Variants in WDR20 observed in about 807,000 individuals in gnomAD.
WDR20 encodes the protein WD repeat domain 20, also known as WD repeat-containing protein 20.
WDR20 carries 3 observed loss-of-function variants against 38.7 expected under a neutral mutation model. The ratio of observed to expected loss-of-function variants is 0.08; its 90% confidence interval spans 0.04 to 0.20. The LOEUF is 0.20. Ranked by LOEUF, WDR20 falls within the 10% of genes least tolerant of loss-of-function variation. WDR20 has a pLI of 1.00. For missense variants in WDR20, 559 were observed against 727.7 expected (o/e 0.77, Z 2.67); for synonymous variants, 298 against 285.6 (o/e 1.04, Z -0.44).
At position 102,209,679 on chromosome 14, in the gene WDR20, G is replaced by A. The variant is rs148159105; in HGVS notation, c.1509G>A (p.Thr503=). 5.6e-5 allele frequency: 91 copies of A among 1,614,106 alleles called. No individual in the cohort carries two copies. In the African/African-American group the frequency reaches 9.1e-4, roughly 16 times the overall value. ...TGAATCTAGTTACCAAAACCAAAAC[G>A]GACCCTGCTAAAACTCTGGGAACGC... The part of the protein sequence containing the change: ...DKLNLVTKTK[T]DPAKTLGTPL... The change falls in exon 3 of 3, where the codon ACG becomes ACA. Residue 503 remains threonine, a synonymous_variant. Transcript: ENST00000342702. The surrounding 1 kb of genome is among the most constrained non-coding windows in gnomAD (Gnocchi z 6.0).
At chr14:102,202,504 T>G (rs1166315519) in intron 2 of WDR20, among the ~76,000 whole-genome samples, 3 of 148,958 alleles carry the variant, frequency 2.0e-5, no homozygotes, top group Non-Finnish European at 4.4e-5. Flanking sequence ...CCTCACCACC[T>G]GAGTAGCTGG....
chr14:102,209,999 A>G lies in WDR20; in HGVS notation c.*119A>G. The G allele has an allele frequency of 3.4e-6, 5 of 1,463,852 alleles. No homozygotes were observed. The highest frequency in any genetic ancestry group is 4.5e-6 in the Non-Finnish European group (5 of 1,115,130). The allele number at this position is 1,463,852 out of a possible 1,614,324, so 90.7% of individuals were successfully genotyped here. On this transcript the variant is annotated 3_prime_UTR_variant, in exon 3 of 3. Coordinates refer to ENST00000342702, the MANE Select transcript of WDR20 (RefSeq NM_144574.4). This position sits in a 1 kb window ranked among gnomAD's most constrained non-coding sequence, Gnocchi z 6.0. ...TTCTTAATGTAAATCTCAATGCATC[A>G]GAGCCATAATTTTGGATACTGCATG...
chr14:102,147,255 T>C (rs2152697402), intron 1 of WDR20, among the ~76,000 whole-genome samples: 1 of 152,162 alleles, frequency 6.6e-6, no homozygotes, highest in South Asian at 2.1e-4. Flanking sequence ...ATTAGCCAAG[T>C]ATGGTGGCGC....
intron 1 of WDR20, among the ~76,000 whole-genome samples, chr14:102,165,636 CT>C (rs398026421): frequency 0.075 from 9,746 of 129,200 alleles, 235 homozygotes; most frequent in African/African-American, 0.11. Flanking sequence ...CTTTTCTTTT[CT>C]TTTTTTTTTT....
chr14:102,166,952 C>CT, intron 1 of WDR20, among the ~76,000 whole-genome samples: 1 of 152,318 alleles, frequency 6.6e-6, no homozygotes. Flanking sequence ...GTTGCTCCCT[C>CT]TAATCTATTC....
rs534503694 is a variant in WDR20 at position 102,151,173 on chromosome 14, A to ATTTTTTTTTT, written c.249+11017_249+11026dup. ...TCTCTTCAAAACCATCCATTGGGGA[A>ATTTTTTTTTT]TTTTTTTTTTTTTTTTTTTTTTTTT... On this transcript the variant is annotated intron_variant, in intron 1 of 2. Transcript: ENST00000342702. 2.2e-3 allele frequency among the ~76,000 whole-genome samples: 248 copies of ATTTTTTTTTT among 111,538 alleles called. 1 individual carries two copies. The highest frequency in any genetic ancestry group is 7.0e-3 in the African/African-American group (177 of 25,466). 73.2% of individuals were successfully genotyped at this position (111,538 alleles called of 152,430 possible). A position where few individuals can be genotyped will look rare whatever the true frequency, so the allele number is the denominator to read the frequency against.
downstream of WDR20, among the ~76,000 whole-genome samples, chr14:102,211,996 CCTT>C (rs1049600139): frequency 6.6e-6 from 1 of 152,128 alleles, no homozygotes. This position sits in a 1 kb window ranked among gnomAD's most constrained non-coding sequence, Gnocchi z 4.2. Context: ...GATTTCTCCC[CCTT>C]CTTTAAAATT....
chr14:102,218,702 C>T (rs2063520330), downstream of WDR20, among the ~76,000 whole-genome samples: 2 of 151,832 alleles, frequency 1.3e-5, no homozygotes, highest in South Asian at 4.1e-4. Context: ...AGTGACTCTG[C>T]GGGGAGCCAA....
downstream of WDR20, among the ~76,000 whole-genome samples, chr14:102,219,600 C>T (rs1299453880): frequency 6.6e-6 from 1 of 152,204 alleles, no homozygotes; most frequent in African/African-American, 2.4e-5. Context: ...ACCGTTTTCC[C>T]CTTTGCTCTG....
At chr14:102,201,117 A>G (rs935420774) in intron 2 of WDR20, among the ~76,000 whole-genome samples, 2 of 152,248 alleles carry the variant, frequency 1.3e-5, no homozygotes, top group African/African-American at 4.8e-5. Context: ...ATAAAACGAC[A>G]TCCGATCCCA....
rs562569470 is a variant in WDR20 at position 102,173,993 on chromosome 14, G to A, written c.250-20945G>A. Among the ~76,000 whole-genome samples, 49 of 150,438 alleles carry A rather than the reference G, an allele frequency of 3.3e-4. No homozygotes were observed. The South Asian group carries it at 9.7e-3, about 30-fold the overall frequency. ...CGGGAGGCGGAGCTTGCAGTGAGCT[G>A]AGATCGCGCCATTGCACTCCAGCCT... On this transcript the variant is annotated intron_variant, in intron 1 of 2. Coordinates refer to ENST00000342702, the MANE Select transcript of WDR20 (RefSeq NM_144574.4).
At chr14:102,149,183 A>T (rs1165660330) in intron 1 of WDR20, among the ~76,000 whole-genome samples, 1 of 152,090 alleles carries the variant, frequency 6.6e-6, no homozygotes, top group Non-Finnish European at 1.5e-5. Flanking sequence ...CAAACAAAAA[A>T]TACATACATA....
intron 1 of WDR20, among the ~76,000 whole-genome samples, chr14:102,180,866 C>T (rs7140813): frequency 0.35 from 53,142 of 152,072 alleles, 13,099 homozygotes; most frequent in African/African-American, 0.71. Context: ...TGCCTGTTTC[C>T]GCCATCCTTG....
At position 102,157,086 on chromosome 14, in the gene WDR20, A is replaced by T. The variant is rs1164586032; in HGVS notation, c.249+16914A>T. Among the ~76,000 whole-genome samples, 3 of 151,620 alleles carry T rather than the reference A, an allele frequency of 2.0e-5. No homozygotes were observed. In the East Asian group the frequency reaches 5.8e-4, roughly 29 times the overall value. On this transcript the variant is annotated intron_variant, in intron 1 of 2. Transcript: ENST00000342702. Reference sequence around the variant, plus strand: ...AGGCCAGCCTGGGCAACACTGTGAGACCCCCATCTCTGCAAAAAATTTTTA... The same window carrying T: ...AGGCCAGCCTGGGCAACACTGTGAGTCCCCCATCTCTGCAAAAAATTTTTA...
chr14:102,140,200 G>T lies in WDR20; in HGVS notation c.249+28G>T, dbSNP rs755851184. The T allele has an allele frequency of 6.2e-6, 10 of 1,606,530 alleles. No homozygotes were observed. In the South Asian group the frequency reaches 6.6e-5, roughly 11 times the overall value. On this transcript the variant is annotated intron_variant, in intron 1 of 2. Transcript: ENST00000342702. ...ACCGACCCGGGCGTCACCGGAGCCA[G>T]CCAGCGGCGTAGGCAGAGGCCGGGA...
downstream of WDR20, among the ~76,000 whole-genome samples, chr14:102,217,608 C>CAGAGA (rs776102465): frequency 2.2e-4 from 34 of 152,230 alleles, 1 homozygote; most frequent in Admixed American, 1.8e-3. Flanking sequence ...CGTCCCTGGG[C>CAGAGA]TGGGCCCAGG....
chr14:102,159,532 C>T (rs1373259392), intron 1 of WDR20, among the ~76,000 whole-genome samples: 1 of 152,118 alleles, frequency 6.6e-6, no homozygotes, highest in South Asian at 2.1e-4. Context: ...ATTGTTTCAC[C>T]GCCTCTTAAA....
chr14:102,224,455 A>G (rs942876854), downstream of WDR20: 6 of 398,410 alleles, frequency 1.5e-5, no homozygotes, highest in Non-Finnish European at 3.0e-5. Flanking sequence ...GCTACCAAGC[A>G]GAAGAATGTT....
Position 102,147,295 on chromosome 14 carries a change from A to G in WDR20, c.249+7123A>G, listed in dbSNP as rs147279963. On this transcript the variant is annotated intron_variant, in intron 1 of 2. Coordinates refer to ENST00000342702, the MANE Select transcript of WDR20 (RefSeq NM_144574.4). Reference sequence around the variant, plus strand: ...CTGTAATCCCAGCTACTCAGGAGGCAGGAGAATCACTTGAACCCAGGAGGT... The same window carrying G: ...CTGTAATCCCAGCTACTCAGGAGGCGGGAGAATCACTTGAACCCAGGAGGT... Among the ~76,000 whole-genome samples, 1,131 of 152,282 alleles carry G rather than the reference A, an allele frequency of 7.4e-3. 15 individuals carry two copies. The highest frequency in any genetic ancestry group is 0.025 in the African/African-American group (1,058 of 41,570).
Sources: allele counts gnomAD v4.1 joint callset (sites outside exome capture counted in the v4.1 genomes callset), GRCh38; gene constraint gnomAD v4.1.1; non-coding constraint Gnocchi (gnomAD v3.1); transcripts MANE v1.5; gene names NCBI Gene and HGNC (gene_info 2026-07-23, HGNC 2026-07-21).